The following HORMAD2 variants were observed in gnomAD, a reference collection of about 807,000 sequenced individuals.
The protein encoded by HORMAD2 is HORMA domain containing 2, also known as HORMA domain-containing protein 2.
A neutral mutation model predicts 38.8 loss-of-function variants in HORMAD2; 45 were observed. That is an observed-to-expected ratio of 1.16 (90% CI 0.91 to 1.49). HORMAD2 has a LOEUF of 1.49. Ranked by LOEUF, HORMAD2 falls within the 40% of genes most tolerant of loss-of-function variation. The pLI is 0.00. For synonymous variants in HORMAD2, 126 were observed against 122.8 expected (o/e 1.03, Z -0.17); for missense variants, 338 against 367.0 (o/e 0.92, Z 0.65).
intron 1 of HORMAD2, among the ~76,000 whole-genome samples, chr22:30,082,640 A>T (rs578000509): frequency 6.6e-6 from 1 of 151,286 alleles, no homozygotes; most frequent in Admixed American, 6.6e-5. Flanking sequence ...AAAAATTTTT[A>T]AAAATTAGCA....
intron 10 of HORMAD2, among the ~76,000 whole-genome samples, chr22:30,125,972 T>C (rs892671297): frequency 6.6e-6 from 1 of 152,118 alleles, no homozygotes; most frequent in Non-Finnish European, 1.5e-5. Flanking sequence ...GCTTGCTTTG[T>C]CTTTGTCACA....
At chr22:30,084,433 C>A (rs1258992857) in intron 1 of HORMAD2, among the ~76,000 whole-genome samples, 2 of 152,144 alleles carry the variant, frequency 1.3e-5, no homozygotes, top group African/African-American at 2.4e-5. Flanking sequence ...TTAAAGGCCC[C>A]AACTCTCAAC....
intron 10 of HORMAD2, among the ~76,000 whole-genome samples, chr22:30,141,829 C>T (rs35067150): frequency 0.16 from 23,918 of 151,996 alleles, 4,074 homozygotes; most frequent in African/African-American, 0.42. Context: ...ACTCCTGATC[C>T]TGTGATCTGC....
At chr22:30,190,307 C>G in the HORMAD2 span, among the ~76,000 whole-genome samples, 6 of 152,216 alleles carry the variant, frequency 3.9e-5, no homozygotes, top group Non-Finnish European at 7.3e-5. Context: ...AAAATTTTCT[C>G]TGCAGTTCAA....
chr22:30,112,946 T>C (rs780899307), intron 7 of HORMAD2, among the ~76,000 whole-genome samples: 11 of 152,132 alleles, frequency 7.2e-5, no homozygotes, highest in Non-Finnish European at 1.3e-4. Context: ...AAATGAGATA[T>C]GGCATAACTC....
At chr22:30,132,147 A>G (rs1923326556) in intron 10 of HORMAD2, among the ~76,000 whole-genome samples, 1 of 152,210 alleles carries the variant, frequency 6.6e-6, no homozygotes, top group South Asian at 2.1e-4. Flanking sequence ...TTTTCATAGC[A>G]TCACATCTCC....
chr22:30,165,620 A>G (rs766806533), intron 10 of HORMAD2, among the ~76,000 whole-genome samples: 3 of 151,920 alleles, frequency 2.0e-5, no homozygotes, highest in Non-Finnish European at 4.4e-5. Context: ...GTTATAAATA[A>G]TTTTTTTCTA....
At chr22:30,198,062 T>C in the HORMAD2 span, among the ~76,000 whole-genome samples, 1 of 151,888 alleles carries the variant, frequency 6.6e-6, no homozygotes, top group African/African-American at 2.4e-5. Context: ...TGCACACTGG[T>C]AATCCCAGCT....
At chr22:30,128,703 A>G (rs1020920528) in intron 10 of HORMAD2, among the ~76,000 whole-genome samples, 2 of 152,126 alleles carry the variant, frequency 1.3e-5, no homozygotes, top group East Asian at 3.9e-4. Flanking sequence ...TTTTCTAACA[A>G]TGATAACTAC....
At chr22:30,123,960 G>T (rs1363335245) in intron 10 of HORMAD2, among the ~76,000 whole-genome samples, 1 of 151,424 alleles carries the variant, frequency 6.6e-6, no homozygotes, top group Non-Finnish European at 1.5e-5. Context: ...CACCTGGTTA[G>T]ATTTTTACCT....
chr22:30,107,643 G>A (rs930483586), intron 5 of HORMAD2, among the ~76,000 whole-genome samples: 42 of 151,942 alleles, frequency 2.8e-4, no homozygotes, highest in African/African-American at 8.9e-4. Context: ...CCTGCTACTC[G>A]AGAGGCTGAG....
chr22:30,135,773 A>G (rs1229135310), intron 10 of HORMAD2, among the ~76,000 whole-genome samples: 2 of 152,214 alleles, frequency 1.3e-5, no homozygotes, highest in East Asian at 1.9e-4. Flanking sequence ...AACCCTCCAG[A>G]TTTAATCTAA....
chr22:30,169,906 G>A (rs1225055317), intron 10 of HORMAD2, among the ~76,000 whole-genome samples: 1 of 152,092 alleles, frequency 6.6e-6, no homozygotes, highest in Non-Finnish European at 1.5e-5. Context: ...CTCCACTGGT[G>A]TTGGACATAA....
At chr22:30,113,214 T>C (rs1921791172) in intron 7 of HORMAD2, among the ~76,000 whole-genome samples, 1 of 151,970 alleles carries the variant, frequency 6.6e-6, no homozygotes. Flanking sequence ...GATTACTTAA[T>C]CTCCTCAACC....
intron 10 of HORMAD2, chr22:30,137,185 G>C (rs185842172): frequency 1.0e-5 from 6 of 574,028 alleles, no homozygotes; most frequent in Middle Eastern, 5.1e-4. Context: ...AGGCATTTTT[G>C]CCCTGAACAT....
At chr22:30,077,774 TGTAAA>T (rs1222312820), upstream of HORMAD2, among the ~76,000 whole-genome samples, 13 of 152,330 alleles carry the variant, frequency 8.5e-5, no homozygotes, top group African/African-American at 2.9e-4. Context: ...TATTCTCATC[TGTAAA>T]GTAAAGGACT....
chr22:30,122,059 T>C lies in HORMAD2; in HGVS notation c.664T>C (p.Phe222Leu), dbSNP rs751619978. The part of the protein sequence containing the change: ...DKEPINVQVG[F>L]VSTGFHSMKV... ...GGAGCCTATCAACGTGCAAGTGGGA[T>C]TTGTCTCCACTGGCTTTCATAGCAT... Residue 222 changes from phenylalanine (F) to leucine (L), a missense_variant, in exon 10 of 11, where the codon TTT becomes CTT. Coordinates refer to ENST00000336726, the MANE Select transcript of HORMAD2 (RefSeq NM_152510.4). 5 of 1,613,664 alleles carry C rather than the reference T, an allele frequency of 3.1e-6. No individual in the cohort carries two copies. In the South Asian group the frequency reaches 5.5e-5, roughly 18 times the overall value.
At chr22:30,172,901 A>AG (rs1926201062) in intron 10 of HORMAD2, among the ~76,000 whole-genome samples, 2 of 151,860 alleles carry the variant, frequency 1.3e-5, no homozygotes, top group Admixed American at 1.3e-4. Flanking sequence ...AAAAAAAAAA[A>AG]TGGCCCAAAC....
intron 2 of HORMAD2, 112 bp from the exon 3 acceptor site, chr22:30,098,740 G>T (rs1920925558): frequency 1.2e-6 from 1 of 857,632 alleles, no homozygotes; most frequent in Non-Finnish European, 1.7e-6. Context: ...TACCTTCAAA[G>T]ATATCAAATT....
Sources: allele counts gnomAD v4.1 joint callset (sites outside exome capture counted in the v4.1 genomes callset), GRCh38; gene constraint gnomAD v4.1.1; transcripts MANE v1.5; gene names NCBI Gene and HGNC (gene_info 2026-07-23, HGNC 2026-07-21).